The following SORCS2 variants were observed in gnomAD, a reference collection of about 807,000 sequenced individuals.
SORCS2 encodes sortilin related VPS10 domain containing receptor 2, also known as VPS10 domain-containing receptor SorCS2.
Under a neutral mutation model 141.6 loss-of-function variants are expected in SORCS2, and 100 were observed. The observed-to-expected ratio is 0.71, with a 90% CI of 0.60 to 0.83. SORCS2 has a LOEUF of 0.83. SORCS2 is among the 40% of genes least tolerant of loss of function. The pLI is 0.00. For missense variants in SORCS2, 1,646 were observed against 1,560.2 expected, an observed-to-expected ratio of 1.05 and a Z score of -0.93; for synonymous variants, 789 against 676.9, an observed-to-expected ratio of 1.17 and a Z score of -2.57.
intron 2 of SORCS2, among the ~76,000 whole-genome samples, chr4:7,485,993 C>T (rs1387278753): frequency 1.3e-5 from 2 of 152,216 alleles, no homozygotes; most frequent in African/African-American, 2.4e-5. Flanking sequence ...GGCACCCTCA[C>T]TGTGGTGGCC....
At chr4:7,479,258 A>C (rs998442518) in intron 2 of SORCS2, among the ~76,000 whole-genome samples, 2 of 151,882 alleles carry the variant, frequency 1.3e-5, no homozygotes, top group Non-Finnish European at 2.9e-5. Flanking sequence ...GTTGCTAACC[A>C]GGGAAGCTCA....
intron 1 of SORCS2, among the ~76,000 whole-genome samples, chr4:7,274,493 A>T (rs962023401): frequency 2.0e-5 from 3 of 152,166 alleles, no homozygotes; most frequent in African/African-American, 7.2e-5. Flanking sequence ...TGGAAGGCAA[A>T]CAGGGAGCCA....
At chr4:7,706,384 GCAGGGATGAGGCTGGGCTCTGCCTGGA>G (rs1475385034) in intron 14 of SORCS2, among the ~76,000 whole-genome samples, 9 of 149,182 alleles carry the variant, frequency 6.0e-5, no homozygotes, top group Admixed American at 1.3e-4. Context: ...CTCTGTCTGG[GCAGGGATGAGGCTGGGCTCTGCCTGGA>G]CAGAGATGAG....
chr4:7,729,653 C>G lies in SORCS2; in HGVS notation c.3049C>G (p.Leu1017Val). 2.5e-6 allele frequency: 4 copies of G among 1,605,426 alleles called. No homozygotes were observed. The South Asian group carries it at 4.5e-5, about 18-fold the overall frequency. Residue 1017 changes from leucine to valine, a missense_variant, in exon 23 of 27, where the codon CTG (leucine) becomes GTG (valine). By Grantham distance (32) the Leu-to-Val change is conservative. Transcript: ENST00000507866. ...VKPGLPTLAD[L>V]YVLLPPPRPT... ...GCCGGGGCTGCCCACTTTGGCCGAT[C>G]TGTACGTGCTCCTGCCCCCTCCCAG...
At chr4:7,556,384 G>T (rs1252835048) in intron 3 of SORCS2, among the ~76,000 whole-genome samples, 2 of 152,112 alleles carry the variant, frequency 1.3e-5, no homozygotes, top group Admixed American at 6.5e-5. Flanking sequence ...GGGGCGCTGG[G>T]CTGGAGACAC....
At chr4:7,203,613 A>C (rs7668618) in intron 1 of SORCS2, among the ~76,000 whole-genome samples, 60,239 of 140,738 alleles carry the variant, frequency 0.43, 15,067 homozygotes, top group East Asian at 0.79. Flanking sequence ...GACTCTGCCT[A>C]AAAAAAAATT....
At chr4:7,666,980 G>T in intron 7 of SORCS2, 144 bp from the exon 8 acceptor site, 1 of 724,554 alleles carries the variant, frequency 1.4e-6, no homozygotes, top group South Asian at 1.8e-5. Context: ...ATGAATAGGA[G>T]TCTGTTCATT....
chr4:7,550,467 G>A (rs1713613709), intron 3 of SORCS2, among the ~76,000 whole-genome samples: 2 of 152,208 alleles, frequency 1.3e-5, no homozygotes, highest in African/African-American at 4.8e-5. Context: ...CGGCTTTGGT[G>A]GTGATCGGCA....
chr4:7,315,910 TCCATCTGTCA>T (rs1213006862), intron 1 of SORCS2, among the ~76,000 whole-genome samples: 1 of 152,168 alleles, frequency 6.6e-6, no homozygotes, highest in Non-Finnish European at 1.5e-5. Context: ...CATTTCTGCC[TCCATCTGTCA>T]CCATCCATTC....
At chr4:7,590,438 G>C (rs757447895) in intron 3 of SORCS2, among the ~76,000 whole-genome samples, 3 of 152,340 alleles carry the variant, frequency 2.0e-5, no homozygotes, top group African/African-American at 7.2e-5. Context: ...TCCTCTCCCA[G>C]GGAGAGAAAT....
At chr4:7,359,635 C>A (rs752052569) in intron 1 of SORCS2, among the ~76,000 whole-genome samples, 1 of 152,230 alleles carries the variant, frequency 6.6e-6, no homozygotes, top group African/African-American at 2.4e-5. Flanking sequence ...GCAGCCAATG[C>A]ATTCTGTCTT....
In SORCS2 at chr4:7,277,543, G is replaced by T. The variant is rs908129111; in HGVS notation, c.480+84417G>T. Among the ~76,000 whole-genome samples, 84 of 152,196 alleles carry T rather than the reference G, an allele frequency of 5.5e-4. 1 individual carries two copies. Among genetic ancestry groups the T allele is most frequent in the African/African-American group, 2.0e-3 (81 of 41,442 alleles). On this transcript the variant is annotated intron_variant, in intron 1 of 26. Transcript: ENST00000507866. ...TTGGGCTTGGGAATTTCTGGGGTAA[G>T]CTAAAGTTTCATGACATGCCGGCAG...
intron 3 of SORCS2, among the ~76,000 whole-genome samples, chr4:7,541,785 C>G (rs1712683589): frequency 6.6e-6 from 1 of 152,342 alleles, no homozygotes; most frequent in East Asian, 1.9e-4. Context: ...CAGCCTTAAA[C>G]ATGCAGCACA....
At chr4:7,616,448 A>G (rs1277478649) in intron 3 of SORCS2, among the ~76,000 whole-genome samples, 2 of 152,026 alleles carry the variant, frequency 1.3e-5, no homozygotes, top group Non-Finnish European at 2.9e-5. Flanking sequence ...CCATCCACCC[A>G]TCTACCATTC....
chr4:7,496,462 C>G (rs1296214664), intron 2 of SORCS2, among the ~76,000 whole-genome samples: 1 of 82,556 alleles, frequency 1.2e-5, no homozygotes, highest in Non-Finnish European at 2.8e-5. Context: ...TTCCCCGTCC[C>G]CCGTCCCCCG....
chr4:7,598,227 A>G (rs566530721), intron 3 of SORCS2, among the ~76,000 whole-genome samples: 4 of 152,162 alleles, frequency 2.6e-5, no homozygotes, highest in Admixed American at 1.3e-4. Flanking sequence ...TCAGCCTTCC[A>G]AAGTGCTGGG....
chr4:7,725,005 A>ATGGTGG (rs373326590), intron 19 of SORCS2, 149 bp from the exon 20 acceptor site: 12 of 804,838 alleles, frequency 1.5e-5, no homozygotes, highest in South Asian at 1.4e-4. Flanking sequence ...AGTAGTGGTG[A>ATGGTGG]TGGTGGTGGT....
intron 2 of SORCS2, among the ~76,000 whole-genome samples, chr4:7,499,688 C>G (rs1014539503): frequency 7.1e-6 from 1 of 140,128 alleles, no homozygotes; most frequent in Admixed American, 6.7e-5. Context: ...CTGAGCCATG[C>G]CCCGGGAGAC....
chr4:7,381,386 C>T (rs1465347244), intron 1 of SORCS2, among the ~76,000 whole-genome samples: 1 of 152,200 alleles, frequency 6.6e-6, no homozygotes, highest in Non-Finnish European at 1.5e-5. Flanking sequence ...GAAGAGCACA[C>T]TGTGTCCAAA....
Sources: gnomAD v4.1 joint callset for allele counts (sites outside exome capture counted in the v4.1 genomes callset) on GRCh38, gnomAD v4.1.1 for gene constraint, MANE v1.5 for transcripts, NCBI Gene and HGNC (gene_info 2026-07-23, HGNC 2026-07-21) for gene names.